Variants in FEZ2 observed in about 807,000 individuals in gnomAD.
FEZ2 encodes fasciculation and elongation protein zeta-2.
A neutral mutation model predicts 40.4 loss-of-function variants in FEZ2; 51 were observed. That is an observed-to-expected ratio of 1.26 (90% CI 1.01 to 1.59). The LOEUF (loss-of-function observed/expected upper bound fraction) is 1.59, where lower values mean the gene tolerates loss of function less well. Ranked by LOEUF, FEZ2 falls within the 40% of genes most tolerant of loss-of-function variation. FEZ2 has a pLI of 0.00. For synonymous variants in FEZ2, 242 were observed against 172.0 expected, an observed-to-expected ratio of 1.41 and a Z score of -3.18; for missense variants, 640 against 438.3, an observed-to-expected ratio of 1.46 and a Z score of -4.11.
At chr2:36,595,664 A>T (rs1363904709) in intron 1 of FEZ2, among the ~76,000 whole-genome samples, 2 of 152,182 alleles carry the variant, frequency 1.3e-5, no homozygotes, top group Non-Finnish European at 2.9e-5. Context: ...AACAATTATC[A>T]ATTATATCTA....
At chr2:36,560,514 T>C (rs1187236235) in intron 5 of FEZ2, among the ~76,000 whole-genome samples, 1 of 152,214 alleles carries the variant, frequency 6.6e-6, no homozygotes, top group South Asian at 2.1e-4. Context: ...AAAATGTTAA[T>C]ATTTGTTTAA....
At chr2:36,585,928 G>A (rs182919166) in intron 2 of FEZ2, among the ~76,000 whole-genome samples, 3 of 152,326 alleles carry the variant, frequency 2.0e-5, no homozygotes, top group Admixed American at 2.0e-4. Context: ...CATGTTATCT[G>A]CTAAAAGAAA....
rs1667830788 is a variant in FEZ2 at position 36,552,268 on chromosome 2, T to C, written c.*895A>G. 2.2e-6 allele frequency: 1 copy of C among 449,224 alleles called. No homozygotes were observed. Among genetic ancestry groups the C allele is most frequent in the Non-Finnish European group, 4.5e-6 (1 of 220,658 alleles). 27.8% of individuals were successfully genotyped at this position (449,224 alleles called of 1,614,324 possible). A position where few individuals can be genotyped will look rare whatever the true frequency, so the allele number is the denominator to read the frequency against. On this transcript the variant is annotated 3_prime_UTR_variant, in exon 8 of 8. Coordinates refer to ENST00000405912, the MANE Select transcript of FEZ2 (RefSeq NM_005102.3). Reference sequence around the variant, plus strand: ...GCTCTCAAACATGTATTTTTACTTCTTAAAAAATTTATTAAATGCCATTGA... The same window carrying C: ...GCTCTCAAACATGTATTTTTACTTCCTAAAAAATTTATTAAATGCCATTGA...
At chr2:36,591,996 T>TA (rs1669087066) in intron 1 of FEZ2, among the ~76,000 whole-genome samples, 1 of 152,146 alleles carries the variant, frequency 6.6e-6, no homozygotes, top group African/African-American at 2.4e-5. Flanking sequence ...CAGGTTTCAA[T>TA]ACCAAAGTAA....
intron 5 of FEZ2, among the ~76,000 whole-genome samples, chr2:36,573,540 C>T (rs569232390): frequency 1.3e-5 from 2 of 152,226 alleles, no homozygotes; most frequent in Admixed American, 6.5e-5. Flanking sequence ...CTCCTGTACA[C>T]TGAAGTTTCA....
Position 36,553,319 on chromosome 2 carries a change from T to C in FEZ2, c.1046-140A>G, listed in dbSNP as rs1667869956. The stretch of plus-strand genomic sequence containing the variant: ...TGCAAAGATCTATGTAGCAATTTTT[T>C]AAAGGTTTTAAGAGGCTATACCCAA... On this transcript the variant is annotated intron_variant, in intron 7 of 7. Coordinates refer to ENST00000405912, the MANE Select transcript of FEZ2 (RefSeq NM_005102.3). 13 of 676,980 alleles carry C rather than the reference T, an allele frequency of 1.9e-5. 1 individual carries two copies. The South Asian group carries it at 2.2e-4, about 11-fold the overall frequency. The allele number at this position is 676,980 out of a possible 1,614,324, so 41.9% of individuals were successfully genotyped here.
chr2:36,553,827 G>T (rs1226224567), intron 7 of FEZ2, among the ~76,000 whole-genome samples: 1 of 152,096 alleles, frequency 6.6e-6, no homozygotes, highest in Admixed American at 6.5e-5. Flanking sequence ...CCAAAAAAGG[G>T]GAAGGAGTAT....
intron 1 of FEZ2, among the ~76,000 whole-genome samples, chr2:36,597,546 ACGTGCCC>A (rs1278308048): frequency 1.3e-5 from 2 of 148,398 alleles, no homozygotes; most frequent in Admixed American, 6.7e-5. Flanking sequence ...ATGGCGACAC[ACGTGCCC>A]CAGGAGGTGC....
At chr2:36,579,486 C>T (rs1211784248) in intron 4 of FEZ2, among the ~76,000 whole-genome samples, 1 of 151,982 alleles carries the variant, frequency 6.6e-6, no homozygotes, top group African/African-American at 2.4e-5. Context: ...AGTACCATCC[C>T]CCTGGTGCTG....
Position 36,553,060 on chromosome 2 carries a change from A to G in FEZ2, c.*103T>C, listed in dbSNP as rs1018338894. On this transcript the variant is annotated 3_prime_UTR_variant, in exon 8 of 8. Transcript: ENST00000405912. The stretch of plus-strand genomic sequence containing the variant: ...TAATACTGAATCAAACCCAAGTTCA[A>G]ATGTGCTGAGTTTCCAATAGCAAGA... The G allele has an allele frequency of 1.5e-5, 14 of 932,900 alleles. No individual in the cohort carries two copies. Among genetic ancestry groups the G allele is most frequent in the Non-Finnish European group, 2.3e-5 (14 of 595,752 alleles). The allele number at this position is 932,900 out of a possible 1,614,324, so 57.8% of individuals were successfully genotyped here. A position where few individuals can be genotyped will look rare whatever the true frequency, so the allele number is the denominator to read the frequency against.
Position 36,597,993 on chromosome 2 carries a change from C to T in FEZ2, c.150G>A (p.Pro50=), listed in dbSNP as rs1176928151. ...AGGGADGFPA[P]ACSLEEKLSL... ...TCAGCTTCTCCTCCAAGCTGCAGGC[C>T]GGGGCCGGGAAACCGTCGGCGCCCC... The change falls in exon 1 of 8, where the codon CCG becomes CCA. Residue 50 remains proline (P), a synonymous_variant. Coordinates refer to ENST00000405912, the MANE Select transcript of FEZ2 (RefSeq NM_005102.3). 1.3e-6 allele frequency: 2 copies of T among 1,497,146 alleles called. No individual in the cohort carries two copies. The highest frequency in any genetic ancestry group is 1.2e-5 in the South Asian group (1 of 80,718). The allele number at this position is 1,497,146 out of a possible 1,614,324, so 92.7% of individuals were successfully genotyped here.
intron 5 of FEZ2, among the ~76,000 whole-genome samples, chr2:36,566,998 A>C (rs1668261662): frequency 6.6e-6 from 1 of 152,328 alleles, no homozygotes; most frequent in Non-Finnish European, 1.5e-5. Flanking sequence ...TGAGTGCTCC[A>C]GAATGGCAGA....
intron 5 of FEZ2, among the ~76,000 whole-genome samples, chr2:36,573,620 G>A (rs773986512): frequency 1.3e-5 from 2 of 152,240 alleles, no homozygotes; most frequent in Non-Finnish European, 2.9e-5. Context: ...AAAGCAGTGT[G>A]AATGAGCCTT....
intron 2 of FEZ2, among the ~76,000 whole-genome samples, chr2:36,588,090 G>T (rs1375647326): frequency 6.6e-6 from 1 of 151,898 alleles, no homozygotes; most frequent in Non-Finnish European, 1.5e-5. Context: ...GTGCAGTGGC[G>T]TGATCTCGGC....
At position 36,581,288 on chromosome 2, in the gene FEZ2, AC is replaced by A. The variant is rs1253216699; in HGVS notation, c.634+1del. The A allele has an allele frequency of 6.2e-7, 1 of 1,613,140 alleles. No homozygotes were observed. Among genetic ancestry groups the A allele is most frequent in the Non-Finnish European group, 8.5e-7 (1 of 1,179,490 alleles). On this transcript the variant is annotated splice_donor_variant, in intron 4 of 7. Transcript: ENST00000405912. LOFTEE classifies it high-confidence loss of function. ...ATCATTGATTTCAGCAGGCTCCCTTACTCTCTTCATAACTGCCGGTACTAGA... is the reference window on the plus strand; with the variant it reads ...ATCATTGATTTCAGCAGGCTCCCTTATCTCTTCATAACTGCCGGTACTAGA...
chr2:36,597,964 A>AGGC lies in FEZ2; in HGVS notation c.176_178dup (p.Ser59_Leu60insArg). 6.8e-7 allele frequency: 1 copy of AGGC among 1,474,706 alleles called. No individual in the cohort carries two copies. The highest frequency in any genetic ancestry group is 2.9e-5 in the East Asian group (1 of 34,150). 91.4% of individuals were successfully genotyped at this position (1,474,706 alleles called of 1,614,324 possible). A position where few individuals can be genotyped will look rare whatever the true frequency, so the allele number is the denominator to read the frequency against. On this transcript the variant is annotated inframe_insertion, in exon 1 of 8. Coordinates refer to ENST00000405912, the MANE Select transcript of FEZ2 (RefSeq NM_005102.3). ...GCCCGGATCCGAGGGGCGGAAGCACAGGCTCAGCTTCTCCTCCAAGCTGCA... is the reference window on the plus strand; with the variant it reads ...GCCCGGATCCGAGGGGCGGAAGCACAGGCGGCTCAGCTTCTCCTCCAAGCTGCA...
intron 5 of FEZ2, among the ~76,000 whole-genome samples, chr2:36,568,652 G>A (rs546840174): frequency 1.3e-4 from 20 of 152,268 alleles, no homozygotes; most frequent in African/African-American, 4.8e-4. Context: ...TTGTGAGCAG[G>A]GAAATGATTA....
At chr2:36,559,041 CAA>C (rs1414555582) in intron 5 of FEZ2, 1 of 152,086 alleles carries the variant, frequency 6.6e-6, no homozygotes, top group Non-Finnish European at 1.5e-5. Flanking sequence ...CAGAAGCTAA[CAA>C]AGACACACTT....
intron 5 of FEZ2, among the ~76,000 whole-genome samples, chr2:36,574,996 C>A (rs1158455787): frequency 2.0e-5 from 3 of 152,196 alleles, no homozygotes; most frequent in African/African-American, 7.2e-5. Flanking sequence ...GGTGTAGTGA[C>A]ACTCTCCAAA....
Sources: allele counts gnomAD v4.1 joint callset (sites outside exome capture counted in the v4.1 genomes callset), GRCh38; gene constraint gnomAD v4.1.1; transcripts MANE v1.5; gene names NCBI Gene and HGNC (gene_info 2026-07-23, HGNC 2026-07-21).